The following WWOX variants were observed in gnomAD, a reference collection of about 807,000 sequenced individuals.
WWOX encodes the protein WW domain-containing oxidoreductase.
WWOX carries 69 observed loss-of-function variants against 46.2 expected under a neutral mutation model. That is an observed-to-expected ratio of 1.49 (90% confidence interval 1.23 to 1.82). The LOEUF (loss-of-function observed/expected upper bound fraction) is 1.82, where lower values mean the gene tolerates loss of function less well. WWOX is among the 40% of genes most tolerant of loss of function. The pLI is 0.00. For missense variants in WWOX, 919 were observed against 542.6 expected (o/e 1.69, Z -6.89); for synonymous variants, 359 against 202.6 (o/e 1.77, Z -6.56).
chr16:78,951,082 T>C (rs2046050081), intron 8 of WWOX, among the ~76,000 whole-genome samples: 1 of 152,204 alleles, frequency 6.6e-6, no homozygotes, highest in African/African-American at 2.4e-5. Flanking sequence ...ACAGAATTTT[T>C]ATTTTCCATT....
At chr16:78,975,687 T>G (rs1299330546) in intron 8 of WWOX, among the ~76,000 whole-genome samples, 3 of 152,134 alleles carry the variant, frequency 2.0e-5, no homozygotes, top group Non-Finnish European at 4.4e-5. Flanking sequence ...TCACCCCTGT[T>G]GGGAATACAC....
chr16:78,735,031 T>G (rs886261442), intron 8 of WWOX, among the ~76,000 whole-genome samples: 2 of 151,556 alleles, frequency 1.3e-5, no homozygotes, highest in Non-Finnish European at 2.9e-5. Flanking sequence ...CATGCCCAGC[T>G]AACTTTTGTG....
Position 78,142,731 on chromosome 16 carries a change from T to A in WWOX, c.410-21452T>A, listed in dbSNP as rs562775114. On this transcript the variant is annotated intron_variant, in intron 4 of 8. Coordinates refer to ENST00000566780, the MANE Select transcript of WWOX (RefSeq NM_016373.4). Reference sequence around the variant, plus strand: ...CTGTAATGGAGGTTTACAGTTTTTCTAATTTCTTATTTAGGCTGATCTGAG... The same window carrying A: ...CTGTAATGGAGGTTTACAGTTTTTCAAATTTCTTATTTAGGCTGATCTGAG... Among the ~76,000 whole-genome samples the A allele has an allele frequency of 1.7e-4, 26 of 152,348 alleles. 1 individual carries two copies. In the South Asian group the frequency reaches 5.2e-3, roughly 30 times the overall value.
At chr16:78,248,798 T>C (rs2037897493) in intron 5 of WWOX, among the ~76,000 whole-genome samples, 1 of 151,250 alleles carries the variant, frequency 6.6e-6, no homozygotes, top group Non-Finnish European at 1.5e-5. Context: ...ACCATATCAA[T>C]GTGAATTAAA....
At chr16:78,326,570 TC>T (rs1287342811) in intron 5 of WWOX, among the ~76,000 whole-genome samples, 983 of 10,020 alleles carry the variant, frequency 0.098, 185 homozygotes, top group African/African-American at 0.32. Flanking sequence ...CTGCCTGCCC[TC>T]CCCCCGCCCC....
intron 5 of WWOX, among the ~76,000 whole-genome samples, chr16:78,382,070 G>T (rs971398231): frequency 2.0e-5 from 3 of 152,148 alleles, no homozygotes; most frequent in Non-Finnish European, 4.4e-5. Context: ...ATATGTCTTT[G>T]TGACTTTTTT....
chr16:78,498,838 A>C (rs1485974105), intron 8 of WWOX, among the ~76,000 whole-genome samples: 1 of 149,948 alleles, frequency 6.7e-6, no homozygotes, highest in African/African-American at 2.4e-5. Flanking sequence ...AATGCTAGGA[A>C]TACAGGCAGG....
At chr16:78,648,245 C>G (rs1191820893) in intron 8 of WWOX, among the ~76,000 whole-genome samples, 1 of 152,114 alleles carries the variant, frequency 6.6e-6, no homozygotes, top group Non-Finnish European at 1.5e-5. Flanking sequence ...ATACAAAGAC[C>G]CAAGGTGGTG....
At chr16:78,686,713 G>T (rs1313128068) in intron 8 of WWOX, among the ~76,000 whole-genome samples, 2 of 152,070 alleles carry the variant, frequency 1.3e-5, no homozygotes, top group African/African-American at 4.8e-5. Flanking sequence ...TTTAGGAAAG[G>T]CCCAGTAGGC....
At position 78,724,510 on chromosome 16, in the gene WWOX, A is replaced by T. The variant is rs12445273; in HGVS notation, c.1056+291758A>T. Among the ~76,000 whole-genome samples the T allele has an allele frequency of 7.6e-3, 1,162 of 152,270 alleles. 6 individuals are homozygous for T. Among genetic ancestry groups the T allele is most frequent in the Non-Finnish European group, 0.011 (739 of 68,008 alleles). The stretch of plus-strand genomic sequence containing the variant: ...AATGTTTACGGTTACTGATATTATT[A>T]TAGTTCTTTATCGACATTATTACAG... On this transcript the variant is annotated intron_variant, in intron 8 of 8. Coordinates refer to ENST00000566780, the MANE Select transcript of WWOX (RefSeq NM_016373.4).
At chr16:78,816,490 G>C (rs1465552268) in intron 8 of WWOX, among the ~76,000 whole-genome samples, 2 of 121,206 alleles carry the variant, frequency 1.7e-5, no homozygotes, top group Non-Finnish European at 3.3e-5. Context: ...TACCAGACAA[G>C]AAGGAGCCAC....
At chr16:78,521,907 T>C (rs1255712821) in intron 8 of WWOX, among the ~76,000 whole-genome samples, 1 of 152,138 alleles carries the variant, frequency 6.6e-6, no homozygotes, top group Non-Finnish European at 1.5e-5. Context: ...GGATTTTTAC[T>C]GGTATGTATA....
At chr16:78,108,607 A>G (rs2151665989) in intron 2 of WWOX, 120 bp downstream of exon 2, 3 of 1,070,788 alleles carry the variant, frequency 2.8e-6, no homozygotes, top group Non-Finnish European at 2.8e-6. Context: ...AGAGAACCAG[A>G]CTCCCACTCT....
At chr16:78,151,338 C>G (rs1011689714) in intron 4 of WWOX, among the ~76,000 whole-genome samples, 2 of 152,142 alleles carry the variant, frequency 1.3e-5, no homozygotes, top group African/African-American at 4.8e-5. Context: ...GGCTACCATG[C>G]CCATTGGGGT....
chr16:78,424,857 T>C lies in WWOX; in HGVS notation c.606-13T>C. 6.2e-7 allele frequency: 1 copy of C among 1,614,080 alleles called. No individual in the cohort carries two copies. The highest frequency in any genetic ancestry group is 8.5e-7 in the Non-Finnish European group (1 of 1,179,982). Reference sequence around the variant, plus strand: ...GTTTATGTCCACATCACATGGGATATTTTATTTTTCAGGCCTCTTCATGTG... The same window carrying C: ...GTTTATGTCCACATCACATGGGATACTTTATTTTTCAGGCCTCTTCATGTG... On this transcript the variant is annotated splice_polypyrimidine_tract_variant and intron_variant, in intron 6 of 8. Transcript: ENST00000566780.
chr16:78,120,174 A>T (rs2033016688), intron 4 of WWOX, among the ~76,000 whole-genome samples: 1 of 152,164 alleles, frequency 6.6e-6, no homozygotes, highest in Admixed American at 6.5e-5. Context: ...ACCTATATAT[A>T]TGCATACTTA....
chr16:78,621,223 C>G (rs963829396), intron 8 of WWOX, among the ~76,000 whole-genome samples: 2 of 152,158 alleles, frequency 1.3e-5, no homozygotes, highest in East Asian at 3.9e-4. Context: ...CAGAATAAGG[C>G]TGCCAAGCTC....
intron 5 of WWOX, among the ~76,000 whole-genome samples, chr16:78,188,193 T>C (rs1406039125): frequency 3.3e-5 from 5 of 152,256 alleles, no homozygotes; most frequent in South Asian, 2.1e-4. Flanking sequence ...GAACATAGAA[T>C]AGATTGCTTG....
At chr16:78,319,701 G>C (rs954435195) in intron 5 of WWOX, among the ~76,000 whole-genome samples, 1 of 152,108 alleles carries the variant, frequency 6.6e-6, no homozygotes, top group Non-Finnish European at 1.5e-5. Flanking sequence ...TTTATCACAT[G>C]CGTAGGTTCA....
Sources: allele counts gnomAD v4.1 joint callset (sites outside exome capture counted in the v4.1 genomes callset), GRCh38; gene constraint gnomAD v4.1.1; transcripts MANE v1.5; gene names NCBI Gene and HGNC (gene_info 2026-07-23, HGNC 2026-07-21).